Variants in CNTN6 observed in about 807,000 individuals in gnomAD.
The protein encoded by CNTN6 is contactin 6.
Under a neutral mutation model 122.8 loss-of-function variants are expected in CNTN6, and 137 were observed. That is an observed-to-expected ratio of 1.12 (90% CI 0.97 to 1.29). The LOEUF is 1.29. CNTN6 is among the 50% of genes most tolerant of loss of function. CNTN6 has a pLI of 0.00. For missense variants in CNTN6, 1,634 were observed against 1,223.4 expected (o/e 1.34, Z -5.01); for synonymous variants, 570 against 426.0 (o/e 1.34, Z -4.16).
chr3:1,400,158 G>A (rs1312209012), intron 20 of CNTN6, among the ~76,000 whole-genome samples: 1 of 152,032 alleles, frequency 6.6e-6, no homozygotes, highest in Non-Finnish European at 1.5e-5. Context: ...TGCTCACTCA[G>A]CCTCACAAAT....
intron 2 of CNTN6, among the ~76,000 whole-genome samples, chr3:1,162,449 A>C (rs1235796915): frequency 6.6e-5 from 10 of 152,222 alleles, no homozygotes; most frequent in African/African-American, 2.4e-4. Flanking sequence ...GAGAATCACC[A>C]ATCACAGAGG....
intron 4 of CNTN6, among the ~76,000 whole-genome samples, chr3:1,275,441 GC>G (rs1364531873): frequency 1.3e-5 from 2 of 152,004 alleles, no homozygotes; most frequent in Non-Finnish European, 2.9e-5. Context: ...TTCACCTCTA[GC>G]TTTTTACACA....
intron 5 of CNTN6, among the ~76,000 whole-genome samples, chr3:1,291,696 T>G (rs748903648): frequency 3.3e-4 from 50 of 152,156 alleles, no homozygotes; most frequent in Non-Finnish European, 3.7e-4. Context: ...ACTCTCTAGA[T>G]GACTCTGATT....
intron 5 of CNTN6, among the ~76,000 whole-genome samples, chr3:1,287,688 G>C (rs1048571937): frequency 6.6e-6 from 1 of 151,536 alleles, no homozygotes; most frequent in Non-Finnish European, 1.5e-5. Context: ...GGTGAAAAAA[G>C]CTATCTCTAA....
At chr3:1,362,233 A>C (rs1305496544) in intron 12 of CNTN6, among the ~76,000 whole-genome samples, 2 of 152,136 alleles carry the variant, frequency 1.3e-5, no homozygotes, top group Admixed American at 1.3e-4. Flanking sequence ...ATAACACTAT[A>C]AAATCACTTA....
chr3:1,160,251 C>G, intron 2 of CNTN6, among the ~76,000 whole-genome samples: 1 of 151,082 alleles, frequency 6.6e-6, no homozygotes, highest in East Asian at 2.0e-4. Flanking sequence ...CAAGATGCAA[C>G]CATGGCTGGA....
At chr3:1,152,479 G>T (rs1265341182) in intron 2 of CNTN6, among the ~76,000 whole-genome samples, 2 of 152,064 alleles carry the variant, frequency 1.3e-5, no homozygotes, top group African/African-American at 4.8e-5. Context: ...AACAATGTCA[G>T]TAATGGGTAG....
chr3:1,273,227 G>T (rs1421003197), intron 4 of CNTN6, among the ~76,000 whole-genome samples: 5 of 152,218 alleles, frequency 3.3e-5, no homozygotes, highest in African/African-American at 1.2e-4. Context: ...CACAAGGGCA[G>T]CCTGGGCAGG....
intron 1 of CNTN6, among the ~76,000 whole-genome samples, chr3:1,145,073 C>G (rs1213626141): frequency 6.6e-6 from 1 of 152,040 alleles, no homozygotes; most frequent in Non-Finnish European, 1.5e-5. Context: ...TTATTAAAGC[C>G]TAATAAGGGA....
At position 1,372,861 on chromosome 3, in the gene CNTN6, A is replaced by G. The variant is rs768431287; in HGVS notation, c.1692A>G (p.Ile564Met). ...AGGAATCTGTTGGGGATTTGATGAT[A>G]AGGAATATTCAGTTACATCATTCAG... ...IGGESVGDLM[I>M]RNIQLHHSGK... The change falls in exon 14 of 23, where the codon ATA becomes ATG. Residue 564 changes from isoleucine to methionine, a missense_variant. Coordinates refer to ENST00000446702, the MANE Select transcript of CNTN6 (RefSeq NM_001289080.2). 1.2e-6 allele frequency: 2 copies of G among 1,605,140 alleles called. No homozygotes were observed. The highest frequency in any genetic ancestry group is 1.7e-6 in the Non-Finnish European group (2 of 1,174,430).
At chr3:1,175,219 T>C (rs1220612263) in intron 2 of CNTN6, among the ~76,000 whole-genome samples, 1 of 94,814 alleles carries the variant, frequency 1.1e-5, no homozygotes, top group East Asian at 3.1e-4. Flanking sequence ...TGAGACTTTG[T>C]CTCAAAAAAA....
intron 4 of CNTN6, among the ~76,000 whole-genome samples, chr3:1,242,680 C>T (rs889675445): frequency 2.6e-5 from 4 of 151,926 alleles, no homozygotes; most frequent in Non-Finnish European, 5.9e-5. Flanking sequence ...GAGGAAGACG[C>T]GAAGGAGGCT....
intron 1 of CNTN6, among the ~76,000 whole-genome samples, chr3:1,118,627 T>C (rs185697486): frequency 4.6e-5 from 7 of 152,308 alleles, no homozygotes; most frequent in Admixed American, 3.9e-4. Flanking sequence ...CTGAAAGAAT[T>C]AATAAAGATT....
chr3:1,183,272 G>C (rs891838219), intron 2 of CNTN6, among the ~76,000 whole-genome samples: 9 of 151,954 alleles, frequency 5.9e-5, no homozygotes, highest in Non-Finnish European at 7.4e-5. Context: ...AAGCTATCAT[G>C]GTTCAAACTC....
chr3:1,243,721 G>C (rs544311350), intron 4 of CNTN6, among the ~76,000 whole-genome samples: 10 of 152,160 alleles, frequency 6.6e-5, no homozygotes, highest in Admixed American at 6.5e-4. Flanking sequence ...AGAGTAAATT[G>C]CTCGGCAGGT....
rs781041319 is a variant in CNTN6, at chr3:1,148,034, T to C, written c.26T>C (p.Ile9Thr). The C allele has an allele frequency of 2.5e-6, 4 of 1,608,482 alleles. No individual in the cohort carries two copies. Among genetic ancestry groups the C allele is most frequent in the Non-Finnish European group, 3.4e-6 (4 of 1,175,896 alleles). The change falls in exon 2 of 23, where the codon ATT becomes ACT. Residue 9 changes from isoleucine to threonine, a missense_variant. Coordinates refer to ENST00000446702, the MANE Select transcript of CNTN6 (RefSeq NM_001289080.2). The stretch of plus-strand genomic sequence containing the variant: ...ATGAGGTTGCTATGGAAACTGGTAA[T>C]TCTGCTGCCACTCATAAACTCTTCT... MRLLWKLV[I>T]LLPLINSSAG...
chr3:1,287,341 G>T (rs1037503825), intron 5 of CNTN6, among the ~76,000 whole-genome samples: 1 of 152,028 alleles, frequency 6.6e-6, no homozygotes, highest in Non-Finnish European at 1.5e-5. Context: ...CCAATTGTGG[G>T]AAAATTTGTC....
At chr3:1,184,982 T>G (rs1011307949) in intron 2 of CNTN6, among the ~76,000 whole-genome samples, 1 of 152,166 alleles carries the variant, frequency 6.6e-6, no homozygotes, top group Non-Finnish European at 1.5e-5. Flanking sequence ...TAGCATTACG[T>G]TAATGTACAC....
intron 4 of CNTN6, among the ~76,000 whole-genome samples, chr3:1,272,459 T>A (rs2095042601): frequency 6.6e-6 from 1 of 152,158 alleles, no homozygotes; most frequent in South Asian, 2.1e-4. Context: ...CTATTCTCCA[T>A]ATATTAAAAA....
Sources: allele counts gnomAD v4.1 joint callset (sites outside exome capture counted in the v4.1 genomes callset), GRCh38; gene constraint gnomAD v4.1.1; transcripts MANE v1.5; gene names NCBI Gene and HGNC (gene_info 2026-07-23, HGNC 2026-07-21).